Variants in ESR1 observed in about 807,000 individuals in gnomAD.
ESR1 encodes estrogen receptor 1, also known as estrogen receptor.
In ESR1, 12 loss-of-function variants were observed where a neutral mutation model predicts 52.7. The observed-to-expected ratio is 0.23, with a 90% CI of 0.15 to 0.37. ESR1 has a LOEUF of 0.37. ESR1 is among the 10% of genes least tolerant of loss of function. The pLI is 1.00. For synonymous variants in ESR1, 305 were observed against 316.8 expected (o/e 0.96, Z 0.39); for missense variants, 584 against 779.7 (o/e 0.75, Z 2.99).
chr6:151,663,680 G>A (rs972294522), intron 1 of ESR1, among the ~76,000 whole-genome samples: 2 of 152,078 alleles, frequency 1.3e-5, no homozygotes, highest in East Asian at 1.9e-4. Flanking sequence ...CACAGAGTAC[G>A]GCTTTATATT....
intron 2 of ESR1, among the ~76,000 whole-genome samples, chr6:151,754,043 G>A (rs917647339): frequency 2.0e-5 from 3 of 152,186 alleles, no homozygotes; most frequent in African/African-American, 7.2e-5. Flanking sequence ...AGAAATCAGA[G>A]ATGCTCCCAC....
At chr6:151,921,468 T>C (rs1316970097) in intron 3 of ESR1, among the ~76,000 whole-genome samples, 1 of 152,228 alleles carries the variant, frequency 6.6e-6, no homozygotes, top group African/African-American at 2.4e-5. Flanking sequence ...GATTGCCAGG[T>C]TGAATGGTAT....
At chr6:151,855,983 C>T (rs1242981097) in intron 2 of ESR1, among the ~76,000 whole-genome samples, 1 of 152,106 alleles carries the variant, frequency 6.6e-6, no homozygotes, top group African/African-American at 2.4e-5. Flanking sequence ...ATTACTTTTG[C>T]ACCAACCTAA....
chr6:151,794,093 C>T (rs1583313333), intron 2 of ESR1, among the ~76,000 whole-genome samples: 2 of 152,312 alleles, frequency 1.3e-5, no homozygotes, highest in Non-Finnish European at 2.9e-5. Flanking sequence ...GATGTCTATG[C>T]TGTGGATCAG....
chr6:151,946,864 A>C (rs2035759463), intron 4 of ESR1, among the ~76,000 whole-genome samples: 1 of 152,334 alleles, frequency 6.6e-6, no homozygotes, highest in South Asian at 2.1e-4. Flanking sequence ...ACTTTTCAGA[A>C]AAATAGACAA....
At position 151,842,891 on chromosome 6, in the gene ESR1, A is replaced by G. The variant is rs9340805; in HGVS notation, c.643+104A>G. 0.011 allele frequency: 11,086 copies of G among 965,684 alleles called. 67 individuals are homozygous for G. The highest frequency in any genetic ancestry group is 0.015 in the Non-Finnish European group (9,320 of 610,578). The allele number at this position is 965,684 out of a possible 1,614,324, so 59.8% of individuals were successfully genotyped here. A position where few individuals can be genotyped will look rare whatever the true frequency, so the allele number is the denominator to read the frequency against. On this transcript the variant is annotated intron_variant, in intron 2 of 7. Coordinates refer to ENST00000206249, the MANE Select transcript of ESR1 (RefSeq NM_000125.4). ...ACATAGAATCAGCCATTTGTACAAA[A>G]CATGAATCCCTAGTAGGTCCACTAG...
At position 151,945,909 on chromosome 6, in the gene ESR1, T is replaced by G. The variant is rs534897869; in HGVS notation, c.1096+1401T>G. On this transcript the variant is annotated intron_variant, in intron 4 of 7. Coordinates refer to ENST00000206249, the MANE Select transcript of ESR1 (RefSeq NM_000125.4). Reference sequence around the variant, plus strand: ...CCAGCCTTGTTAGAGGCCACCATTTTGGTGGTTGAGTGGTTATTAGTTTAC... The same window carrying G: ...CCAGCCTTGTTAGAGGCCACCATTTGGGTGGTTGAGTGGTTATTAGTTTAC... Among the ~76,000 whole-genome samples the G allele has an allele frequency of 1.8e-3, 270 of 152,304 alleles. 2 individuals carry two copies. The highest frequency in any genetic ancestry group is 6.5e-3 in the African/African-American group (269 of 41,572).
At chr6:152,028,555 G>A (rs1418562903) in intron 5 of ESR1, among the ~76,000 whole-genome samples, 1 of 152,208 alleles carries the variant, frequency 6.6e-6, no homozygotes, top group African/African-American at 2.4e-5. Context: ...TGCTAGCACA[G>A]CAGTCTGAGA....
chr6:152,097,737 G>C (rs2747647), intron 7 of ESR1, among the ~76,000 whole-genome samples: 141,919 of 152,102 alleles, frequency 0.93, 66,337 homozygotes, highest in East Asian at 1. Context: ...CCCATTTCCC[G>C]CTGCCCATTT....
chr6:151,990,477 C>T (rs1366086937), intron 4 of ESR1, among the ~76,000 whole-genome samples: 1 of 152,024 alleles, frequency 6.6e-6, no homozygotes, highest in African/African-American at 2.4e-5. Context: ...CCCTTGCAAC[C>T]TTGAAGTCCT....
At chr6:151,668,734 A>G (rs906140676) in intron 1 of ESR1, among the ~76,000 whole-genome samples, 10 of 152,202 alleles carry the variant, frequency 6.6e-5, no homozygotes, top group African/African-American at 2.4e-4. Context: ...AAACCATAGA[A>G]GTGGGATAAG....
chr6:151,660,648 G>T (rs1372950516), intron 1 of ESR1, among the ~76,000 whole-genome samples: 1 of 152,158 alleles, frequency 6.6e-6, no homozygotes, highest in Non-Finnish European at 1.5e-5. Flanking sequence ...CTTTGGCTGA[G>T]TGGACAACAT....
intron 2 of ESR1, among the ~76,000 whole-genome samples, chr6:151,737,486 A>G (rs1490537548): frequency 6.6e-6 from 1 of 152,222 alleles, no homozygotes; most frequent in Non-Finnish European, 1.5e-5. Flanking sequence ...AAAGTTTCTC[A>G]TATCAATGTG....
intron 1 of ESR1, among the ~76,000 whole-genome samples, chr6:151,673,825 T>G (rs1201231439): frequency 6.6e-6 from 1 of 152,078 alleles, no homozygotes; most frequent in Non-Finnish European, 1.5e-5. Flanking sequence ...GAGGTTGCAG[T>G]GAGCCATGAT....
rs528835877 is a variant in ESR1 at position 151,822,323 on chromosome 6, C to T, written c.452+13959C>T. The stretch of plus-strand genomic sequence containing the variant: ...TTGTCCTTCACATTTCTTTTCCTTT[C>T]GGTGAAAAATTGAAGGCCAAAATGT... On this transcript the variant is annotated intron_variant, in intron 1 of 7. Coordinates refer to ENST00000206249, the MANE Select transcript of ESR1 (RefSeq NM_000125.4). Among the ~76,000 whole-genome samples, 12 of 152,148 alleles carry T rather than the reference C, an allele frequency of 7.9e-5. No individual in the cohort carries two copies. The South Asian group carries it at 1.0e-3, about 13-fold the overall frequency.
intron 4 of ESR1, among the ~76,000 whole-genome samples, chr6:151,987,689 C>T (rs547979734): frequency 1.6e-4 from 25 of 152,204 alleles, no homozygotes; most frequent in African/African-American, 5.8e-4. Flanking sequence ...GGATTACAAG[C>T]GTAAGCCACC....
rs1440415084 is a variant in ESR1 at position 151,836,403 on chromosome 6, C to A, written c.453-6194C>A. Among the ~76,000 whole-genome samples, 18 of 152,158 alleles carry A rather than the reference C, an allele frequency of 1.2e-4. No homozygotes were observed. The East Asian group carries it at 3.5e-3, about 29-fold the overall frequency. On this transcript the variant is annotated intron_variant, in intron 1 of 7. Transcript: ENST00000206249. ...CAATAGAGTGTGTGCAAGGGAACTG[C>A]CATTTATAAAACCATCAGATTTCAT...
rs1161354020 is a variant in ESR1 at position 151,865,845 on chromosome 6, G to A, written c.644-14810G>A. Among the ~76,000 whole-genome samples, 6 of 152,100 alleles carry A rather than the reference G, an allele frequency of 3.9e-5. No homozygotes were observed. In the South Asian group the frequency reaches 6.2e-4, roughly 16 times the overall value. On this transcript the variant is annotated intron_variant, in intron 2 of 7. Coordinates refer to ENST00000206249, the MANE Select transcript of ESR1 (RefSeq NM_000125.4). ...GGAAACGGAGATGCTAGATTTTTCC[G>A]GGCTCTCTTTTCTCATCAGCTAGAA...
chr6:152,100,617 A>T lies in ESR1; in HGVS notation c.*1651A>T, dbSNP rs2050934312. On this transcript the variant is annotated 3_prime_UTR_variant, in exon 8 of 8. Coordinates refer to ENST00000206249, the MANE Select transcript of ESR1 (RefSeq NM_000125.4). ...TCCTCTGGGTGACCTTATTGTCTGT[A>T]ATTGAAACCCTATTGAGAGGTGATG... 4.3e-6 allele frequency: 1 copy of T among 231,814 alleles called. No homozygotes were observed. The highest frequency in any genetic ancestry group is 8.5e-6 in the Non-Finnish European group (1 of 117,312). 14.4% of individuals were successfully genotyped at this position (231,814 alleles called of 1,614,324 possible).
Sources: allele counts gnomAD v4.1 joint callset (sites outside exome capture counted in the v4.1 genomes callset), GRCh38; gene constraint gnomAD v4.1.1; transcripts MANE v1.5; gene names NCBI Gene and HGNC (gene_info 2026-07-23, HGNC 2026-07-21).